SLC8A3: variants seen among roughly 807,000 people sequenced by gnomAD.
The protein encoded by SLC8A3 is sodium/calcium exchanger 3.
A neutral mutation model predicts 65.4 loss-of-function variants in SLC8A3; 37 were observed. That is an observed-to-expected ratio of 0.57 (90% CI 0.44 to 0.74). The LOEUF (loss-of-function observed/expected upper bound fraction) is 0.74, where lower values mean the gene tolerates loss of function less well. Ranked by LOEUF, SLC8A3 falls within the 30% of genes least tolerant of loss-of-function variation. The pLI is 0.00. For missense variants in SLC8A3, 1,112 were observed against 1,172.1 expected, an observed-to-expected ratio of 0.95 and a Z score of 0.75; for synonymous variants, 461 against 444.5, an observed-to-expected ratio of 1.04 and a Z score of -0.47.
chr14:70,083,828 A>T (rs1422748707), intron 2 of SLC8A3, among the ~76,000 whole-genome samples: 3 of 152,182 alleles, frequency 2.0e-5, no homozygotes, highest in African/African-American at 7.2e-5. Flanking sequence ...GATCTTTTTA[A>T]TACTCTATTC....
intron 2 of SLC8A3, among the ~76,000 whole-genome samples, chr14:70,098,476 A>G (rs1049086730): frequency 1.3e-5 from 2 of 152,196 alleles, no homozygotes; most frequent in Non-Finnish European, 2.9e-5. Context: ...TGCCAGGCAG[A>G]AGAAAGTGTC....
intron 2 of SLC8A3, among the ~76,000 whole-genome samples, chr14:70,132,686 G>T (rs1000614731): frequency 6.6e-6 from 1 of 152,184 alleles, no homozygotes; most frequent in Non-Finnish European, 1.5e-5. Flanking sequence ...TGTTAAAAGA[G>T]GGGGTAGGGG....
chr14:70,135,445 G>A (rs1895126244), intron 2 of SLC8A3, among the ~76,000 whole-genome samples: 1 of 152,152 alleles, frequency 6.6e-6, no homozygotes, highest in Admixed American at 6.5e-5. Context: ...CACTTCCATG[G>A]TTATTGGAGC....
intron 1 of SLC8A3, among the ~76,000 whole-genome samples, chr14:70,178,473 T>C (rs1485169465): frequency 1.3e-5 from 2 of 152,184 alleles, no homozygotes; most frequent in Non-Finnish European, 2.9e-5. Context: ...ACATCTCAGA[T>C]CTGTTTCAAA....
intron 2 of SLC8A3, among the ~76,000 whole-genome samples, chr14:70,106,338 T>G (rs1359321045): frequency 6.6e-6 from 1 of 152,170 alleles, no homozygotes; most frequent in Admixed American, 6.5e-5. Context: ...TTTTTTTATT[T>G]TATGAGAAAA....
At chr14:70,135,500 C>A (rs953108203) in intron 2 of SLC8A3, among the ~76,000 whole-genome samples, 1 of 152,028 alleles carries the variant, frequency 6.6e-6, no homozygotes, top group African/African-American at 2.4e-5. Flanking sequence ...AAATATGCAT[C>A]AGTGGATGAA....
At chr14:70,085,718 C>A (rs1891383193) in intron 2 of SLC8A3, among the ~76,000 whole-genome samples, 3 of 152,150 alleles carry the variant, frequency 2.0e-5, no homozygotes, top group Admixed American at 6.5e-5. Context: ...CTGGGAAGAG[C>A]CTCAAAGACT....
chr14:70,056,660 T>A (rs189991736), intron 3 of SLC8A3, among the ~76,000 whole-genome samples: 1 of 152,186 alleles, frequency 6.6e-6, no homozygotes, highest in African/African-American at 2.4e-5. Flanking sequence ...ATCTCATAGA[T>A]CTCTGGTTGG....
Position 70,052,049 on chromosome 14 carries a change from G to T in SLC8A3, c.1954C>A (p.Pro652Thr). The T allele has an allele frequency of 5.0e-6, 8 of 1,612,806 alleles. No homozygotes were observed. The highest frequency in any genetic ancestry group is 6.8e-6 in the Non-Finnish European group (8 of 1,179,580). Reference protein sequence around the residue: ...EAKRIAEMGKPVLGEHPKLEV... With the variant: ...EAKRIAEMGKTVLGEHPKLEV... Reference sequence around the variant, plus strand: ...AGTTTGGGGTGTTCACCCAATACTGGCTTTCCCATCTCTGCTATCCTCTTG... The same window carrying T: ...AGTTTGGGGTGTTCACCCAATACTGTCTTTCCCATCTCTGCTATCCTCTTG... The change falls in exon 4 of 7, where the codon CCA becomes ACA. Residue 652 changes from proline (P) to threonine (T), a missense_variant. Coordinates refer to ENST00000356921, the MANE Select transcript of SLC8A3 (RefSeq NM_182932.3).
intron 2 of SLC8A3, among the ~76,000 whole-genome samples, chr14:70,159,802 C>G (rs1411262294): frequency 6.6e-6 from 1 of 152,202 alleles, no homozygotes; most frequent in Non-Finnish European, 1.5e-5. Context: ...CCCAGGAGAG[C>G]CTGCTTTGAG....
intron 1 of SLC8A3, among the ~76,000 whole-genome samples, chr14:70,182,262 C>G (rs913607111): frequency 5.9e-5 from 9 of 152,122 alleles, no homozygotes; most frequent in Non-Finnish European, 1.2e-4. Context: ...GAGGAGTTAA[C>G]AGGACATCTT....
In SLC8A3 at chr14:70,049,026, C is replaced by G. The variant is rs772243094; in HGVS notation, c.2130G>C (p.Glu710Asp). The change falls in exon 6 of 7, where the codon GAG becomes GAC. Residue 710 changes from glutamate (E) to aspartate (D), a missense_variant. Physicochemically the swap from Glu to Asp is conservative, Grantham distance 45. Transcript: ENST00000356921. ...ITVSAAGDEDEDESGEERLPS... is the reference protein window; with the variant it reads ...ITVSAAGDEDDDESGEERLPS... ...GCAGCCTCTCCTCCCCGGATTCATCCTCATCCTCATCCCCTGCTGAAGGCA... is the reference window on the plus strand; with the variant it reads ...GCAGCCTCTCCTCCCCGGATTCATCGTCATCCTCATCCCCTGCTGAAGGCA... The G allele has an allele frequency of 6.2e-7, 1 of 1,607,066 alleles. No individual in the cohort carries two copies. The highest frequency in any genetic ancestry group is 1.1e-5 in the South Asian group (1 of 90,384).
intron 5 of SLC8A3, among the ~76,000 whole-genome samples, chr14:70,049,476 C>T (rs1376464257): frequency 1.3e-5 from 2 of 151,954 alleles, no homozygotes; most frequent in African/African-American, 4.8e-5. Context: ...CACACTGGAG[C>T]CTGTCAGGGG....
intron 1 of SLC8A3, among the ~76,000 whole-genome samples, chr14:70,172,560 T>C (rs1455884438): frequency 6.6e-6 from 1 of 152,146 alleles, no homozygotes; most frequent in East Asian, 1.9e-4. Context: ...TTACTGGGGT[T>C]GTTCTGGCTG....
chr14:70,079,970 T>G, intron 2 of SLC8A3: 25 of 447,314 alleles, frequency 5.6e-5, no homozygotes, highest in South Asian at 9.5e-5. Flanking sequence ...CTTACCTCTT[T>G]GAGCTTCCGT....
intron 2 of SLC8A3, among the ~76,000 whole-genome samples, chr14:70,129,095 G>C (rs1894663900): frequency 6.6e-6 from 1 of 152,160 alleles, no homozygotes; most frequent in African/African-American, 2.4e-5. Context: ...TTCCTATACA[G>C]GGTAGACCTA....
At chr14:70,047,814 C>T (rs1017948862) in intron 6 of SLC8A3, 7 of 152,270 alleles carry the variant, frequency 4.6e-5, no homozygotes, top group African/African-American at 1.7e-4. Flanking sequence ...AAGCCCCTAA[C>T]TGAATTAAGT....
intron 2 of SLC8A3, among the ~76,000 whole-genome samples, chr14:70,079,693 C>A (rs148661396): frequency 1.8e-4 from 28 of 152,272 alleles, no homozygotes; most frequent in African/African-American, 6.5e-4. Context: ...CAACCCTCCC[C>A]CTTCATTTTC....
Position 70,167,544 on chromosome 14 carries a change from A to G in SLC8A3, c.879T>C (p.Asn293=), listed in dbSNP as rs373098493. Reference sequence around the variant, plus strand: ...CCAGGTTCCCATCTAGAAAATGGGAATTCATCATTTTCCCATCCATCTCAA... The same window carrying G: ...CCAGGTTCCCATCTAGAAAATGGGAGTTCATCATTTTCCCATCCATCTCAA... The part of the protein sequence containing the change: ...KGIEMDGKMM[N]SHFLDGNLVP... Residue 293 remains asparagine (N), a synonymous_variant, in exon 2 of 7, where the codon AAT becomes AAC. Transcript: ENST00000356921. 4.3e-6 allele frequency: 7 copies of G among 1,613,878 alleles called. No individual in the cohort carries two copies. The African/African-American group carries it at 9.3e-5, about 22-fold the overall frequency.
Sources: gnomAD v4.1 joint callset for allele counts (sites outside exome capture counted in the v4.1 genomes callset) on GRCh38, gnomAD v4.1.1 for gene constraint, MANE v1.5 for transcripts, NCBI Gene and HGNC (gene_info 2026-07-23, HGNC 2026-07-21) for gene names.